The following CTNNBL1 variants were observed in gnomAD, a reference collection of about 807,000 sequenced individuals.
CTNNBL1 encodes beta-catenin-like protein 1.
Under a neutral mutation model 72.7 loss-of-function variants are expected in CTNNBL1, and 31 were observed. The observed-to-expected ratio is 0.43, with a 90% CI of 0.32 to 0.58. The LOEUF (loss-of-function observed/expected upper bound fraction) is 0.58, where lower values mean the gene tolerates loss of function less well. CTNNBL1 is among the 20% of genes least tolerant of loss of function. The probability of loss-of-function intolerance (pLI) is 0.08; values close to 1 mark genes in which losing one functional copy is unlikely to be tolerated. For missense variants in CTNNBL1, 534 were observed against 725.1 expected (o/e 0.74, Z 3.03); for synonymous variants, 240 against 267.3 (o/e 0.90, Z 1.00).
intron 1 of CTNNBL1, among the ~76,000 whole-genome samples, chr20:37,730,902 A>G (rs991447581): frequency 2.0e-5 from 3 of 152,234 alleles, no homozygotes; most frequent in Non-Finnish European, 1.5e-5. Flanking sequence ...TGCCAGTTCT[A>G]TTTTCAGTGG....
chr20:37,753,107 C>T (rs2073335034), intron 4 of CTNNBL1, among the ~76,000 whole-genome samples: 1 of 152,108 alleles, frequency 6.6e-6, no homozygotes, highest in African/African-American at 2.4e-5. Context: ...CTTCAAATGA[C>T]CTCTGTCTCC....
intron 1 of CTNNBL1, among the ~76,000 whole-genome samples, chr20:37,718,457 G>A (rs2073011249): frequency 7.1e-6 from 1 of 140,816 alleles, no homozygotes; most frequent in Non-Finnish European, 1.6e-5. Flanking sequence ...TGGCCGGGCG[G>A]GGGGCTGACC....
At chr20:37,842,242 T>A (rs1285330319) in intron 12 of CTNNBL1, 97 bp from the exon 13 acceptor site, 3 of 845,720 alleles carry the variant, frequency 3.5e-6, no homozygotes, top group Non-Finnish European at 6.1e-6. Flanking sequence ...GGTCTCCCTT[T>A]GTAAGGGAGC....
rs779180961 is a variant in CTNNBL1 at position 37,732,862 on chromosome 20, T to C, written c.31-17T>C. 1.1e-5 allele frequency: 17 copies of C among 1,610,326 alleles called. No individual in the cohort carries two copies. The East Asian group carries it at 2.2e-4, about 21-fold the overall frequency. Reference sequence around the variant, plus strand: ...TGTTGTATCCAGCTCTAAAATCTTATGTTTCTTTTCTCTCAGCCCAATAGG... The same window carrying C: ...TGTTGTATCCAGCTCTAAAATCTTACGTTTCTTTTCTCTCAGCCCAATAGG... On this transcript the variant is annotated splice_polypyrimidine_tract_variant and intron_variant, in intron 1 of 15. Transcript: ENST00000361383.
In CTNNBL1 at chr20:37,704,716, A is replaced by G. The variant is rs551625020; in HGVS notation, c.30+10564A>G. Reference sequence around the variant, plus strand: ...ACAGAGCTAGATCCTGTCTCAAAAAAAAAAAAGGGAAGACTGTCAAATAAG... The same window carrying G: ...ACAGAGCTAGATCCTGTCTCAAAAAGAAAAAAGGGAAGACTGTCAAATAAG... On this transcript the variant is annotated intron_variant, in intron 1 of 15. Coordinates refer to ENST00000361383, the MANE Select transcript of CTNNBL1 (RefSeq NM_030877.5). 1.1e-3 allele frequency among the ~76,000 whole-genome samples: 160 copies of G among 152,218 alleles called. 3 individuals are homozygous for G. The highest frequency in any genetic ancestry group is 3.7e-3 in the African/African-American group (152 of 41,544).
chr20:37,727,475 T>C, intron 1 of CTNNBL1: 1 of 316,544 alleles, frequency 3.2e-6, no homozygotes, highest in Non-Finnish European at 4.6e-6. Context: ...TTAGCTTTTA[T>C]ACCACTCACC....
chr20:37,838,769 C>T (rs543993717), intron 11 of CTNNBL1, among the ~76,000 whole-genome samples: 74 of 152,302 alleles, frequency 4.9e-4, no homozygotes, highest in African/African-American at 1.7e-3. Context: ...CACCTGTAAT[C>T]CCAGCTACTC....
intron 13 of CTNNBL1, among the ~76,000 whole-genome samples, chr20:37,843,761 A>T (rs1272072362): frequency 6.6e-6 from 1 of 152,166 alleles, no homozygotes; most frequent in African/African-American, 2.4e-5. Flanking sequence ...TCATTCATGA[A>T]CACCAGCAGA....
rs749606619 is a variant in CTNNBL1 at position 37,767,951 on chromosome 20, A to G, written c.659-2A>G. The G allele has an allele frequency of 6.2e-7, 1 of 1,613,764 alleles. No homozygotes were observed. The highest frequency in any genetic ancestry group is 1.3e-5 in the African/African-American group (1 of 75,032). ...AAATGACTGGTGTCTGTCTCCCTTC[A>G]GCTATTGTGGAAAACATGGCTGAGT... On this transcript the variant is annotated splice_acceptor_variant, in intron 6 of 15. Transcript: ENST00000361383. LOFTEE classifies it high-confidence loss of function.
At chr20:37,791,332 C>CA (rs2073723833) in intron 10 of CTNNBL1, among the ~76,000 whole-genome samples, 1 of 152,186 alleles carries the variant, frequency 6.6e-6, no homozygotes, top group South Asian at 2.1e-4. Flanking sequence ...ATACTGTTTA[C>CA]AAAATGGTTA....
At chr20:37,710,994 A>G (rs976565927) in intron 1 of CTNNBL1, among the ~76,000 whole-genome samples, 1 of 152,090 alleles carries the variant, frequency 6.6e-6, no homozygotes, top group Non-Finnish European at 1.5e-5. Flanking sequence ...GTGGCTCCCA[A>G]CCCAGAGTCT....
chr20:37,772,977 G>A (rs1171383473), intron 7 of CTNNBL1, among the ~76,000 whole-genome samples: 1 of 152,172 alleles, frequency 6.6e-6, no homozygotes, highest in Non-Finnish European at 1.5e-5. Context: ...GGATTAACAG[G>A]TAAGTAGATA....
At chr20:37,824,844 C>T (rs1277024316) in intron 11 of CTNNBL1, among the ~76,000 whole-genome samples, 2 of 152,128 alleles carry the variant, frequency 1.3e-5, no homozygotes, top group Non-Finnish European at 1.5e-5. Context: ...CCAGTTATTA[C>T]GTCTATATTC....
At chr20:37,816,520 A>G (rs1451113471) in intron 11 of CTNNBL1, among the ~76,000 whole-genome samples, 4 of 152,194 alleles carry the variant, frequency 2.6e-5, no homozygotes, top group Admixed American at 1.3e-4. Flanking sequence ...AATGGAGACA[A>G]TGTTTCACAG....
Position 37,738,885 on chromosome 20 carries a change from T to G in CTNNBL1, c.326+1401T>G, listed in dbSNP as rs574182316. ...CGGGCACAGAGTCTTCATGGCAACCTAGAGAGGCCAGCGTGGTCAACTATG... is the reference window on the plus strand; with the variant it reads ...CGGGCACAGAGTCTTCATGGCAACCGAGAGAGGCCAGCGTGGTCAACTATG... On this transcript the variant is annotated intron_variant, in intron 3 of 15. Coordinates refer to ENST00000361383, the MANE Select transcript of CTNNBL1 (RefSeq NM_030877.5). 2.0e-5 allele frequency among the ~76,000 whole-genome samples: 3 copies of G among 152,204 alleles called. No individual in the cohort carries two copies. The East Asian group carries it at 5.8e-4, about 29-fold the overall frequency.
intron 13 of CTNNBL1, among the ~76,000 whole-genome samples, chr20:37,848,758 G>T (rs994971494): frequency 1.3e-5 from 2 of 152,100 alleles, no homozygotes; most frequent in African/African-American, 4.8e-5. Context: ...TTGCCTTCCT[G>T]ATCCTCTCTG....
chr20:37,867,239 T>A (rs569220739), intron 15 of CTNNBL1, among the ~76,000 whole-genome samples: 3 of 152,190 alleles, frequency 2.0e-5, no homozygotes, highest in African/African-American at 4.8e-5. Context: ...TCAAGGGTTT[T>A]CAATGTGAAA....
intron 4 of CTNNBL1, among the ~76,000 whole-genome samples, chr20:37,755,799 T>G (rs1269389225): frequency 6.6e-6 from 1 of 152,254 alleles, no homozygotes; most frequent in African/African-American, 2.4e-5. Flanking sequence ...AGCTTTGGAA[T>G]AGGTCTTTCT....
chr20:37,789,383 A>ATGAATGAAG (rs1189604667), intron 10 of CTNNBL1, among the ~76,000 whole-genome samples: 1 of 152,232 alleles, frequency 6.6e-6, no homozygotes, highest in African/African-American at 2.4e-5. Context: ...ACATATGAAC[A>ATGAATGAAG]TGAATGAAGT....
Sources: allele counts gnomAD v4.1 joint callset (sites outside exome capture counted in the v4.1 genomes callset), GRCh38; gene constraint gnomAD v4.1.1; transcripts MANE v1.5; gene names NCBI Gene and HGNC (gene_info 2026-07-23, HGNC 2026-07-21).